Variants in INPP5B observed in about 807,000 individuals in gnomAD.
The protein encoded by INPP5B is type II inositol 1,4,5-trisphosphate 5-phosphatase.
Under a neutral mutation model 118.5 loss-of-function variants are expected in INPP5B, and 90 were observed. That is an observed-to-expected ratio of 0.76 (90% CI 0.64 to 0.90). INPP5B has a LOEUF of 0.90. Among genes scored for constraint, INPP5B ranks in the 40% least tolerant of loss-of-function variants. The pLI, the probability that INPP5B is intolerant of heterozygous loss-of-function variation, is 0.00. For synonymous variants in INPP5B, 385 were observed against 418.9 expected (o/e 0.92, Z 0.99); for missense variants, 984 against 1,125.6 (o/e 0.87, Z 1.80).
chr1:37,936,135 T>G (rs1645680063), intron 6 of INPP5B, among the ~76,000 whole-genome samples: 1 of 152,166 alleles, frequency 6.6e-6, no homozygotes, highest in Non-Finnish European at 1.5e-5. Flanking sequence ...CCAAGCTCTT[T>G]GCTGGGTAGC....
chr1:37,917,308 T>TTTTATATA (rs1367504194), intron 7 of INPP5B, among the ~76,000 whole-genome samples: 6 of 92,796 alleles, frequency 6.5e-5, no homozygotes, highest in African/African-American at 2.1e-4. Context: ...AAAAAAATAA[T>TTTTATATA]TATATATATA....
At chr1:37,878,385 G>A in intron 15 of INPP5B, 62 bp from the exon 16 acceptor site, 1 of 1,597,184 alleles carries the variant, frequency 6.3e-7, no homozygotes. Flanking sequence ...TGCCTGGCGA[G>A]TGCCCTGGCT....
intron 19 of INPP5B, among the ~76,000 whole-genome samples, chr1:37,869,436 T>C (rs937389195): frequency 2.6e-5 from 4 of 151,490 alleles, no homozygotes; most frequent in Non-Finnish European, 4.4e-5. Flanking sequence ...TGAGCCACCA[T>C]ACCAAGCCTC....
chr1:37,929,999 G>C (rs1340065418), intron 7 of INPP5B: 1 of 152,216 alleles, frequency 6.6e-6, no homozygotes, highest in Non-Finnish European at 1.5e-5. Context: ...TTCCCACAGT[G>C]CTGGGATTAC....
At chr1:37,906,253 C>A (rs1243056734) in intron 7 of INPP5B, among the ~76,000 whole-genome samples, 1 of 152,166 alleles carries the variant, frequency 6.6e-6, no homozygotes, top group Non-Finnish European at 1.5e-5. Flanking sequence ...TAAAGAATGT[C>A]ACTTTCTGAC....
chr1:37,881,267 A>G (rs1267296174), intron 14 of INPP5B, among the ~76,000 whole-genome samples: 1 of 152,262 alleles, frequency 6.6e-6, no homozygotes, highest in African/African-American at 2.4e-5. Flanking sequence ...TTTTGGATTT[A>G]TAATAGAATC....
In INPP5B at chr1:37,883,270, G is replaced by C. The variant is rs148868953; in HGVS notation, c.1320-352C>G. 8.0e-3 allele frequency: 7,849 copies of C among 985,412 alleles called. 34 individuals carry two copies. Among genetic ancestry groups the C allele is most frequent in the Non-Finnish European group, 8.8e-3 (7,331 of 829,906 alleles). The allele number at this position is 985,412 out of a possible 1,614,324, so 61.0% of individuals were successfully genotyped here. The stretch of plus-strand genomic sequence containing the variant: ...TTGAGAGTCACGCCAATCACCCAGA[G>C]ATCCCAAATCAGATGATGCCACGAT... On this transcript the variant is annotated intron_variant, in intron 13 of 23. Transcript: ENST00000373024.
At chr1:37,890,879 C>T (rs984162750) in intron 8 of INPP5B, among the ~76,000 whole-genome samples, 12 of 152,080 alleles carry the variant, frequency 7.9e-5, no homozygotes, top group Admixed American at 7.9e-4. Flanking sequence ...ATAAGATAGT[C>T]CAAATAAGAG....
rs562451451 is a variant in INPP5B, at chr1:37,897,422, C to T, written c.533-5968G>A. On this transcript the variant is annotated intron_variant, in intron 7 of 23. Transcript: ENST00000373024. ...TCTTCTGCCTTGGGATCCTGTTGATCGGTGACCTTACCCCCAACCCTGTGC... is the reference window on the plus strand; with the variant it reads ...TCTTCTGCCTTGGGATCCTGTTGATTGGTGACCTTACCCCCAACCCTGTGC... Among the ~76,000 whole-genome samples, 664 of 151,692 alleles carry T rather than the reference C, an allele frequency of 4.4e-3. 5 individuals are homozygous for T. Among genetic ancestry groups the T allele is most frequent in the African/African-American group, 0.015 (640 of 41,306 alleles).
At chr1:37,940,665 A>C in intron 6 of INPP5B, 23 bp downstream of exon 6, 1 of 1,490,430 alleles carries the variant, frequency 6.7e-7, no homozygotes, top group East Asian at 2.3e-5. Flanking sequence ...ACCCACCCCC[A>C]GGGAGCCTGG....
chr1:37,939,690 G>A (rs1009117454), intron 6 of INPP5B, among the ~76,000 whole-genome samples: 4 of 152,004 alleles, frequency 2.6e-5, no homozygotes, highest in East Asian at 2.0e-4. Flanking sequence ...TGATCCACCC[G>A]CCTTGGCCTC....
At chr1:37,873,560 T>C (rs1361206854) in intron 18 of INPP5B, among the ~76,000 whole-genome samples, 2 of 152,192 alleles carry the variant, frequency 1.3e-5, no homozygotes, top group Admixed American at 6.5e-5. Context: ...CAAAACACCC[T>C]TCATTGTTCC....
At chr1:37,943,916 A>G in intron 3 of INPP5B, 23 bp from the exon 4 acceptor site, 4 of 1,568,686 alleles carry the variant, frequency 2.5e-6, no homozygotes, top group Non-Finnish European at 3.5e-6. Context: ...AGCAGAGGTG[A>G]GGATGGGGGC....
At chr1:37,892,560 T>C (rs780682692) in intron 7 of INPP5B, among the ~76,000 whole-genome samples, 5 of 152,164 alleles carry the variant, frequency 3.3e-5, no homozygotes, top group African/African-American at 7.2e-5. Flanking sequence ...TCTGGAGGAA[T>C]GAAACACCAC....
intron 12 of INPP5B, 70 bp downstream of exon 12, chr1:37,886,818 T>C: frequency 9.5e-7 from 1 of 1,050,094 alleles, no homozygotes; most frequent in Non-Finnish European, 1.5e-6. Flanking sequence ...AGTCACTGTG[T>C]CATCAGAAGT....
At chr1:37,914,933 TG>T (rs1557690609) in intron 7 of INPP5B, among the ~76,000 whole-genome samples, 2 of 152,288 alleles carry the variant, frequency 1.3e-5, no homozygotes, top group East Asian at 3.9e-4. Context: ...AAGCTCAGTG[TG>T]ATTTTTCTGT....
chr1:37,882,752 G>A, intron 14 of INPP5B, 55 bp downstream of exon 14: 1 of 1,390,524 alleles, frequency 7.2e-7, no homozygotes, highest in Non-Finnish European at 1.0e-6. Context: ...AGGCTTTTCT[G>A]TGCCCTCATG....
At chr1:37,895,223 T>G (rs930900514) in intron 7 of INPP5B, among the ~76,000 whole-genome samples, 14 of 152,234 alleles carry the variant, frequency 9.2e-5, no homozygotes, top group African/African-American at 3.4e-4. Context: ...CATCCATTGA[T>G]AGTAGGCATG....
intron 13 of INPP5B, chr1:37,883,596 A>C (rs1358067115): frequency 1.0e-6 from 1 of 985,332 alleles, no homozygotes; most frequent in African/African-American, 1.7e-5. Context: ...GCACAGCAGT[A>C]CACGCACACC....
Sources: gnomAD v4.1 joint callset for allele counts (sites outside exome capture counted in the v4.1 genomes callset) on GRCh38, gnomAD v4.1.1 for gene constraint, MANE v1.5 for transcripts, NCBI Gene and HGNC (gene_info 2026-07-23, HGNC 2026-07-21) for gene names.